Variants in CEP85L observed in about 807,000 individuals in gnomAD.
CEP85L encodes centrosomal protein 85L.
Under a neutral mutation model 100.3 loss-of-function variants are expected in CEP85L, and 60 were observed. The ratio of observed to expected loss-of-function variants is 0.60; its 90% CI spans 0.49 to 0.74. CEP85L has a LOEUF of 0.74. Ranked by LOEUF, CEP85L falls within the 30% of genes least tolerant of loss-of-function variation. The pLI is 0.00. For synonymous variants in CEP85L, 319 were observed against 322.7 expected (o/e 0.99, Z 0.12); for missense variants, 973 against 936.2 (o/e 1.04, Z -0.51).
At chr6:118,541,896 C>G (rs1156314269) in intron 3 of CEP85L, among the ~76,000 whole-genome samples, 5 of 152,138 alleles carry the variant, frequency 3.3e-5, no homozygotes, top group African/African-American at 7.2e-5. Context: ...AAAGAAGTTT[C>G]TCTAATTATA....
intron 1 of CEP85L, among the ~76,000 whole-genome samples, chr6:118,674,626 A>G (rs1428582153): frequency 6.6e-6 from 1 of 152,180 alleles, no homozygotes; most frequent in Non-Finnish European, 1.5e-5. Flanking sequence ...ACTCAACAAC[A>G]AAAAGACAAT....
At chr6:118,593,076 T>C (rs1002106280) in intron 2 of CEP85L, among the ~76,000 whole-genome samples, 8 of 152,190 alleles carry the variant, frequency 5.3e-5, no homozygotes, top group Admixed American at 2.0e-4. Context: ...AACCTAATCA[T>C]TGTAATAAAA....
intron 2 of CEP85L, among the ~76,000 whole-genome samples, chr6:118,614,993 C>A (rs1242202766): frequency 1.3e-5 from 2 of 152,092 alleles, no homozygotes; most frequent in Non-Finnish European, 2.9e-5. Context: ...CTTGAAAATA[C>A]AATATAATTT....
chr6:118,521,659 C>T (rs1429143461), intron 4 of CEP85L, among the ~76,000 whole-genome samples: 3 of 152,084 alleles, frequency 2.0e-5, no homozygotes, highest in Non-Finnish European at 4.4e-5. Context: ...CAAGAGACTT[C>T]GTATGCTTCA....
chr6:118,524,360 C>T lies in CEP85L; in HGVS notation c.1021-440G>A, dbSNP rs571700588. ...TCGGGAGGCTGAGGCAGAAGAATGG[C>T]GTGAACCCGGGAGGCGGAGCTTGCA... On this transcript the variant is annotated intron_variant, in intron 3 of 12. Coordinates refer to ENST00000368491, the MANE Select transcript of CEP85L (RefSeq NM_001042475.3). 8.5e-4 allele frequency among the ~76,000 whole-genome samples: 129 copies of T among 152,248 alleles called. 1 individual carries two copies. The highest frequency in any genetic ancestry group is 2.8e-3 in the African/African-American group (117 of 41,534).
intron 2 of CEP85L, among the ~76,000 whole-genome samples, chr6:118,607,167 A>C (rs1772282865): frequency 6.6e-6 from 1 of 152,190 alleles, no homozygotes; most frequent in South Asian, 2.1e-4. Context: ...GGCAAGGCTT[A>C]AATTTGTCCC....
chr6:118,640,532 T>C (rs984529926), intron 1 of CEP85L, among the ~76,000 whole-genome samples: 7 of 152,150 alleles, frequency 4.6e-5, no homozygotes, highest in Non-Finnish European at 8.8e-5. Context: ...TTTGTTGTTG[T>C]TATTGTTTTT....
At chr6:118,609,987 GAAGA>G (rs967897428) in intron 2 of CEP85L, among the ~76,000 whole-genome samples, 4 of 151,952 alleles carry the variant, frequency 2.6e-5, no homozygotes, top group African/African-American at 9.7e-5. Flanking sequence ...AAAAAATTGA[GAAGA>G]GAGACGCAAA....
intron 1 of CEP85L, 138 bp downstream of exon 1, chr6:118,651,059 A>G: frequency 7.7e-7 from 1 of 1,294,500 alleles, no homozygotes; most frequent in South Asian, 1.8e-5. Context: ...AGCGGGGAGG[A>G]CACTGGGCAC....
chr6:118,488,964 T>A (rs1198916098), intron 6 of CEP85L, among the ~76,000 whole-genome samples: 1 of 152,076 alleles, frequency 6.6e-6, no homozygotes, highest in Non-Finnish European at 1.5e-5. Flanking sequence ...AGAAGAAGTG[T>A]TCTTCAAAAA....
chr6:118,602,558 G>A (rs948247811), intron 2 of CEP85L, among the ~76,000 whole-genome samples: 2 of 152,160 alleles, frequency 1.3e-5, no homozygotes, highest in Non-Finnish European at 2.9e-5. Context: ...AGTTCACAGG[G>A]TTAGCCTACG....
intron 4 of CEP85L, among the ~76,000 whole-genome samples, chr6:118,518,079 C>A (rs941982104): frequency 6.6e-6 from 1 of 152,106 alleles, no homozygotes; most frequent in African/African-American, 2.4e-5. Flanking sequence ...AGGGATGACG[C>A]CGACTTGTTT....
intron 5 of CEP85L, among the ~76,000 whole-genome samples, chr6:118,508,063 C>T (rs9489422): frequency 0.029 from 4,466 of 152,234 alleles, 111 homozygotes; most frequent in African/African-American, 0.056. Flanking sequence ...GGTATACTCT[C>T]TCTGTAGGGT....
At position 118,596,230 on chromosome 6, in the gene CEP85L, A is replaced by C. The variant is rs977764082; in HGVS notation, c.233-29914T>G. On this transcript the variant is annotated intron_variant, in intron 2 of 12. Coordinates refer to ENST00000368491, the MANE Select transcript of CEP85L (RefSeq NM_001042475.3). ...TAAAAAACATATCTGCTTGACACGG[A>C]TATGACATAATCTGATATATGGCAT... is the stretch of plus-strand genomic sequence containing the variant. 9.9e-5 allele frequency among the ~76,000 whole-genome samples: 15 copies of C among 152,154 alleles called. 1 individual carries two copies. Among genetic ancestry groups the C allele is most frequent in the Admixed American group, 9.8e-4 (15 of 15,274 alleles).
At chr6:118,495,036 G>T (rs150532096) in intron 5 of CEP85L, among the ~76,000 whole-genome samples, 37 of 152,070 alleles carry the variant, frequency 2.4e-4, no homozygotes, top group African/African-American at 8.7e-4. Context: ...GAATGTCCTT[G>T]AGGGACTCAT....
intron 11 of CEP85L, among the ~76,000 whole-genome samples, chr6:118,469,803 C>T (rs547369735): frequency 1.1e-4 from 16 of 152,210 alleles, no homozygotes; most frequent in Admixed American, 9.8e-4. Context: ...GGTTTTGTCA[C>T]ATTGCCTAAG....
chr6:118,672,845 AG>A (rs1776357991), intron 1 of CEP85L, among the ~76,000 whole-genome samples: 1 of 151,860 alleles, frequency 6.6e-6, no homozygotes, highest in African/African-American at 2.4e-5. Flanking sequence ...GAGGAAGAGG[AG>A]GAGGAAGAAG....
intron 2 of CEP85L, among the ~76,000 whole-genome samples, chr6:118,628,126 G>T (rs1008222205): frequency 6.6e-6 from 1 of 151,652 alleles, no homozygotes; most frequent in Non-Finnish European, 1.5e-5. Flanking sequence ...AGTATATCAC[G>T]ATCAGCTTTC....
At chr6:118,569,730 T>C (rs1779772542) in intron 2 of CEP85L, among the ~76,000 whole-genome samples, 2 of 151,752 alleles carry the variant, frequency 1.3e-5, no homozygotes, top group East Asian at 1.9e-4. Flanking sequence ...TTAATTTCAA[T>C]GTAACAGACA....
Sources: gnomAD v4.1 joint callset for allele counts (sites outside exome capture counted in the v4.1 genomes callset) on GRCh38, gnomAD v4.1.1 for gene constraint, MANE v1.5 for transcripts, NCBI Gene and HGNC (gene_info 2026-07-23, HGNC 2026-07-21) for gene names.